ZNF235: variants seen among roughly 807,000 people sequenced by gnomAD.
The protein encoded by ZNF235 is zinc finger protein 235.
Under a neutral mutation model 29.4 loss-of-function variants are expected in ZNF235, and 25 were observed. The observed-to-expected ratio is 0.85, with a 90% confidence interval of 0.62 to 1.19. The LOEUF (loss-of-function observed/expected upper bound fraction) is 1.19, where lower values mean the gene tolerates loss of function less well. ZNF235 is among the 50% of genes most tolerant of loss of function. ZNF235 has a pLI of 0.00. For synonymous variants in ZNF235, 300 were observed against 295.3 expected (o/e 1.02, Z -0.16); for missense variants, 788 against 885.0 (o/e 0.89, Z 1.39).
At position 44,302,965 on chromosome 19, in the gene ZNF235, CGTATATATGTAT is replaced by C. The variant is rs1568647575; in HGVS notation, c.15+413_15+424del. Among the ~76,000 whole-genome samples, 1,137 of 115,894 alleles carry C rather than the reference CGTATATATGTAT, an allele frequency of 9.8e-3. 12 individuals are homozygous for C. The highest frequency in any genetic ancestry group is 0.04 in the African/African-American group (1,062 of 26,656). The allele number at this position is 115,894 out of a possible 152,430, so 76.0% of individuals were successfully genotyped here. A position where few individuals can be genotyped will look rare whatever the true frequency, so the allele number is the denominator to read the frequency against. ...ACATATTTGTATATATAAATATATACGTATATATGTATATATTTATATATAAATATATACATA... is the reference window on the plus strand; with the variant it reads ...ACATATTTGTATATATAAATATATACATATTTATATATAAATATATACATA... On this transcript the variant is annotated intron_variant, in intron 2 of 4. Transcript: ENST00000291182.
intron 4 of ZNF235, among the ~76,000 whole-genome samples, chr19:44,294,444 A>G (rs2123097651): frequency 6.6e-6 from 1 of 152,206 alleles, no homozygotes; most frequent in African/African-American, 2.4e-5. Flanking sequence ...CCCAAGAACA[A>G]AAAAGCCCAG....
In ZNF235 at chr19:44,288,393, TA is replaced by T; in HGVS notation, c.1041del (p.Tyr347Ter). ...AAGCTCTTACCACACTCGTGGCATG[TA>T]TAGGGTTTCTCCCCTGTGTGGACTC... ...HQRVHTGEKP[Y>X]TCHECGKSFN... On this transcript the variant is annotated frameshift_variant, in exon 5 of 5. Coordinates refer to ENST00000291182, the MANE Select transcript of ZNF235 (RefSeq NM_004234.4). LOFTEE classifies it high-confidence loss of function. The T allele has an allele frequency of 6.2e-7, 1 of 1,614,178 alleles. No individual in the cohort carries two copies. Among genetic ancestry groups the T allele is most frequent in the Non-Finnish European group, 8.5e-7 (1 of 1,180,030 alleles).
At chr19:44,297,720 C>T (rs993579776) in intron 4 of ZNF235, among the ~76,000 whole-genome samples, 1 of 152,162 alleles carries the variant, frequency 6.6e-6, no homozygotes, top group African/African-American at 2.4e-5. Context: ...ACCTTGTCCT[C>T]CCAAAGTGCT....
Position 44,287,199 on chromosome 19 carries a change from T to C in ZNF235, c.*19A>G. The C allele has an allele frequency of 2.6e-6, 4 of 1,558,654 alleles. No individual in the cohort carries two copies. The highest frequency in any genetic ancestry group is 1.9e-5 in the Admixed American group (1 of 53,546). On this transcript the variant is annotated 3_prime_UTR_variant, in exon 5 of 5. Transcript: ENST00000291182. ...AAAGATGTGAGCTCTAACTGAAGGC[T>C]GAACCACACCTCTCATTTCTACAGA... is the stretch of plus-strand genomic sequence containing the variant.
chr19:44,287,281 C>G lies in ZNF235; in HGVS notation c.2154G>C (p.Lys718Asn). ...ERPYICDVCC[K>N]GFSQRSHLIY... The stretch of plus-strand genomic sequence containing the variant: ...TGAGATGTGACCTCTGACTGAAGCC[C>G]TTACAACAGACATCACATATGTAAG... The change falls in exon 5 of 5, where the codon AAG becomes AAC. Residue 718 changes from lysine (K) to asparagine (N), a missense_variant. Lys to Asn is a moderately conservative substitution (Grantham distance 94, BLOSUM62 0). Coordinates refer to ENST00000291182, the MANE Select transcript of ZNF235 (RefSeq NM_004234.4). 1 of 1,612,960 alleles carries G rather than the reference C, an allele frequency of 6.2e-7. No individual in the cohort carries two copies. The highest frequency in any genetic ancestry group is 8.5e-7 in the Non-Finnish European group (1 of 1,179,332).
intron 4 of ZNF235, among the ~76,000 whole-genome samples, chr19:44,293,377 GATA>G (rs1313894015): frequency 6.6e-6 from 1 of 151,716 alleles, no homozygotes; most frequent in Non-Finnish European, 1.5e-5. Context: ...AAACAAATAA[GATA>G]ACAATCCTAA....
At chr19:44,291,990 T>C (rs1975590790) in intron 4 of ZNF235, among the ~76,000 whole-genome samples, 1 of 152,126 alleles carries the variant, frequency 6.6e-6, no homozygotes, top group African/African-American at 2.4e-5. Context: ...AACATATTTA[T>C]AAAATTCTTA....
In ZNF235 at chr19:44,300,624, G is replaced by A. The variant is rs1200982537; in HGVS notation, c.16-892C>T. ...AGAGGTCGAGACGGGCAGATCACTT[G>A]AGGTCAGGAGTTCAAGACCAACCCG... is the stretch of plus-strand genomic sequence containing the variant. On this transcript the variant is annotated intron_variant, in intron 2 of 4. Transcript: ENST00000291182. 3.9e-5 allele frequency among the ~76,000 whole-genome samples: 6 copies of A among 152,050 alleles called. No homozygotes were observed. In the South Asian group the frequency reaches 6.2e-4, roughly 16 times the overall value.
Position 44,288,864 on chromosome 19 carries a change from T to C in ZNF235, c.571A>G (p.Thr191Ala), listed in dbSNP as rs541339639. The change falls in exon 5 of 5, where the codon ACA (threonine) becomes GCA (alanine). Residue 191 changes from threonine (T) to alanine (A), a missense_variant. By Grantham distance (58) the Thr-to-Ala change is moderately conservative (BLOSUM62 0). Coordinates refer to ENST00000291182, the MANE Select transcript of ZNF235 (RefSeq NM_004234.4). ...NSWSKIYLNE[T>A]QNYQRSCKQT... ...TTACAACTTCTCTGATAATTCTGTG[T>C]CTCATTCAGATATATTTTACTCCAA... 2.8e-5 allele frequency: 45 copies of C among 1,613,802 alleles called. 2 individuals carry two copies. In the South Asian group the frequency reaches 4.7e-4, roughly 17 times the overall value.
At position 44,288,433 on chromosome 19, in the gene ZNF235, C is replaced by T. The variant is rs752930840; in HGVS notation, c.1002G>A (p.Leu334=). Residue 334 remains leucine, a synonymous_variant, in exon 5 of 5, where the codon CTG becomes CTA. Coordinates refer to ENST00000291182, the MANE Select transcript of ZNF235 (RefSeq NM_004234.4). The stretch of plus-strand genomic sequence containing the variant: ...CTGTGTGGACTCTCTGATGAGTTTG[C>T]AGATTTGAGCTCTGACTGAAACCTT... ...CGKGFSQSSN[L]QTHQRVHTGE... The T allele has an allele frequency of 9.3e-6, 15 of 1,614,156 alleles. No homozygotes were observed. The South Asian group carries it at 1.6e-4, about 18-fold the overall frequency.
chr19:44,303,159 TATATATAA>T (rs987127799), intron 2 of ZNF235, among the ~76,000 whole-genome samples: 4 of 136,106 alleles, frequency 2.9e-5, no homozygotes, highest in Non-Finnish European at 4.5e-5. Flanking sequence ...AATATATACG[TATATATAA>T]ATATATAATT....
chr19:44,302,810 A>ATATATACTTATATATATATAAC (rs1975756845), intron 2 of ZNF235, among the ~76,000 whole-genome samples: 8 of 144,448 alleles, frequency 5.5e-5, no homozygotes, highest in Non-Finnish European at 9.0e-5. Context: ...ATATGAGTAT[A>ATATATACTTATATATATATAAC]TATATACTTA....
intron 2 of ZNF235, 105 bp from the exon 3 acceptor site, chr19:44,299,837 C>A: frequency 6.4e-7 from 1 of 1,570,006 alleles, no homozygotes; most frequent in African/African-American, 1.4e-5. Context: ...ACAATCACAC[C>A]AAAAATGCTA....
At chr19:44,300,771 C>A (rs986940220) in intron 2 of ZNF235, among the ~76,000 whole-genome samples, 4 of 142,814 alleles carry the variant, frequency 2.8e-5, no homozygotes, top group Non-Finnish European at 6.0e-5. Flanking sequence ...ACCCGGCAGG[C>A]GGAGGTTGCA....
chr19:44,304,995 G>C lies in ZNF235; in HGVS notation c.-73C>G, dbSNP rs967205784. 9.3e-6 allele frequency: 9 copies of C among 965,544 alleles called. No individual in the cohort carries two copies. Among genetic ancestry groups the C allele is most frequent in the Non-Finnish European group, 1.1e-5 (9 of 811,780 alleles). 59.8% of individuals were successfully genotyped at this position (965,544 alleles called of 1,614,324 possible). On this transcript the variant is annotated 5_prime_UTR_variant, in exon 1 of 5. Transcript: ENST00000291182. ...CCTCCCTGGGAGATATCTCAGATCC[G>C]ACCTCGCCTTCCTGGAGCGGAAGTG...
rs1228447040 is a variant in ZNF235, at chr19:44,288,227, T to C, written c.1208A>G (p.Tyr403Cys). ...HCRVHTGEKP[Y>C]KCEVCGKGFT... Reference sequence around the variant, plus strand: ...GCCCTTCCCACACACCTCACATTTATAAGGTTTCTCTCCAGTGTGAACTCT... The same window carrying C: ...GCCCTTCCCACACACCTCACATTTACAAGGTTTCTCTCCAGTGTGAACTCT... The change falls in exon 5 of 5, where the codon TAT becomes TGT. Residue 403 changes from tyrosine to cysteine, a missense_variant. By Grantham distance (194) the Tyr-to-Cys change is radical. Coordinates refer to ENST00000291182, the MANE Select transcript of ZNF235 (RefSeq NM_004234.4). 2 of 1,614,150 alleles carry C rather than the reference T, an allele frequency of 1.2e-6. No homozygotes were observed. The highest frequency in any genetic ancestry group is 1.1e-5 in the South Asian group (1 of 91,084).
Position 44,287,540 on chromosome 19 carries a change from C to T in ZNF235, c.1895G>A (p.Cys632Tyr), listed in dbSNP as rs1335167191. The change falls in exon 5 of 5, where the codon TGT becomes TAT. Residue 632 changes from cysteine (C) to tyrosine (Y), a missense_variant. Cys to Tyr is a radical substitution (Grantham distance 194, BLOSUM62 -2). Coordinates refer to ENST00000291182, the MANE Select transcript of ZNF235 (RefSeq NM_004234.4). ...TGACCTCTGGCTGAAGGCCTTACCACAAGTGTCACATTTATATGGTTTCTC... is the reference window on the plus strand; with the variant it reads ...TGACCTCTGGCTGAAGGCCTTACCATAAGTGTCACATTTATATGGTTTCTC... ...TGEKPYKCDT[C>Y]GKAFSQRSNL... 1.2e-6 allele frequency: 2 copies of T among 1,614,182 alleles called. No individual in the cohort carries two copies. The highest frequency in any genetic ancestry group is 1.7e-5 in the Admixed American group (1 of 60,018).
At chr19:44,295,500 T>C (rs1177437915) in intron 4 of ZNF235, among the ~76,000 whole-genome samples, 1 of 152,056 alleles carries the variant, frequency 6.6e-6, no homozygotes, top group African/African-American at 2.4e-5. Context: ...TCAATATTGT[T>C]AAAAAGACCA....
At chr19:44,291,814 C>T (rs764182490) in intron 4 of ZNF235, among the ~76,000 whole-genome samples, 1 of 152,016 alleles carries the variant, frequency 6.6e-6, no homozygotes, top group Non-Finnish European at 1.5e-5. Context: ...ATGAATTTTA[C>T]CAAACATATA....
Sources: allele counts gnomAD v4.1 joint callset (sites outside exome capture counted in the v4.1 genomes callset), GRCh38; gene constraint gnomAD v4.1.1; transcripts MANE v1.5; gene names NCBI Gene and HGNC (gene_info 2026-07-23, HGNC 2026-07-21).